GLI3: variants seen among roughly 807,000 people sequenced by gnomAD.
The protein encoded by GLI3 is transcription activator GLI3.
In GLI3, 20 loss-of-function variants were observed where a neutral mutation model predicts 100.8. That is an observed-to-expected ratio of 0.20 (90% CI 0.14 to 0.29). The LOEUF (loss-of-function observed/expected upper bound fraction) is 0.29, where lower values mean the gene tolerates loss of function less well. Ranked by LOEUF, GLI3 falls within the 10% of genes least tolerant of loss-of-function variation. The pLI is 1.00. For missense variants in GLI3, 2,040 were observed against 2,128.5 expected, an observed-to-expected ratio of 0.96 and a Z score of 0.82; for synonymous variants, 938 against 860.5, an observed-to-expected ratio of 1.09 and a Z score of -1.58.
chr7:42,206,021 A>T (rs1788144166), intron 2 of GLI3, among the ~76,000 whole-genome samples: 1 of 152,164 alleles, frequency 6.6e-6, no homozygotes. Context: ...TAATCCCAGC[A>T]CTTTGGGAGG....
intron 1 of GLI3, among the ~76,000 whole-genome samples, chr7:42,234,805 G>A (rs1400705692): frequency 6.6e-6 from 1 of 152,118 alleles, no homozygotes; most frequent in Non-Finnish European, 1.5e-5. Flanking sequence ...ACCCTGAAAG[G>A]ATCTCCCCTT....
chr7:42,144,021 T>C (rs1002061526), intron 3 of GLI3, among the ~76,000 whole-genome samples: 2 of 152,090 alleles, frequency 1.3e-5, no homozygotes, highest in African/African-American at 4.8e-5. Flanking sequence ...ACTAGACTCT[T>C]GACAGTAAGA....
intron 7 of GLI3, among the ~76,000 whole-genome samples, chr7:42,027,867 T>C (rs1789165876): frequency 6.6e-6 from 1 of 152,158 alleles, no homozygotes; most frequent in Non-Finnish European, 1.5e-5. Flanking sequence ...TCAGTAATAA[T>C]ATTCCGTTTC....
intron 4 of GLI3, among the ~76,000 whole-genome samples, chr7:42,058,206 T>A (rs1784500942): frequency 1.3e-5 from 2 of 152,172 alleles, no homozygotes; most frequent in East Asian, 1.9e-4. Context: ...CAGGCAAAAG[T>A]CAACTTCAGT....
chr7:42,026,965 C>T (rs190827325), intron 7 of GLI3, among the ~76,000 whole-genome samples: 1 of 152,146 alleles, frequency 6.6e-6, no homozygotes, highest in Non-Finnish European at 1.5e-5. Context: ...CCATCAGTGC[C>T]GTCTGGTTAC....
At chr7:42,256,145 T>A (rs1472101774) in intron 1 of GLI3, among the ~76,000 whole-genome samples, 1 of 152,204 alleles carries the variant, frequency 6.6e-6, no homozygotes, top group African/African-American at 2.4e-5. Context: ...CTATTTTTAA[T>A]GTTTTTTAAT....
chr7:42,035,711 C>T lies in GLI3; in HGVS notation c.1028+4327G>A, dbSNP rs1789419709. On this transcript the variant is annotated intron_variant, in intron 7 of 14. Transcript: ENST00000395925. ...AGAAGAAGGGGGTCATTTTAAACACCTTCTCTTCCAGTGGTGGCCCAATTT... is the reference window on the plus strand; with the variant it reads ...AGAAGAAGGGGGTCATTTTAAACACTTTCTCTTCCAGTGGTGGCCCAATTT... 2.0e-5 allele frequency among the ~76,000 whole-genome samples: 3 copies of T among 150,776 alleles called. No homozygotes were observed. The South Asian group carries it at 6.3e-4, about 32-fold the overall frequency.
intron 2 of GLI3, among the ~76,000 whole-genome samples, chr7:42,167,379 T>G (rs1226624308): frequency 6.6e-6 from 1 of 152,012 alleles, no homozygotes; most frequent in Admixed American, 6.5e-5. Flanking sequence ...GCTGTGGAGG[T>G]TAATATTTAG....
Position 42,154,491 on chromosome 7 carries a change from T to C in GLI3, c.125-6023A>G, listed in dbSNP as rs528365743. Among the ~76,000 whole-genome samples the C allele has an allele frequency of 5.9e-5, 9 of 152,338 alleles. No homozygotes were observed. The East Asian group carries it at 1.4e-3, about 23-fold the overall frequency. On this transcript the variant is annotated intron_variant, in intron 2 of 14. Coordinates refer to ENST00000395925, the MANE Select transcript of GLI3 (RefSeq NM_000168.6). ...GCTTCGCTGTGTTTGCAAAGAGCATTATTTCATTTTTTTCCTATTATTCAT... is the reference window on the plus strand; with the variant it reads ...GCTTCGCTGTGTTTGCAAAGAGCATCATTTCATTTTTTTCCTATTATTCAT...
At chr7:42,160,166 A>G (rs1787098772) in intron 2 of GLI3, among the ~76,000 whole-genome samples, 1 of 152,188 alleles carries the variant, frequency 6.6e-6, no homozygotes, top group Non-Finnish European at 1.5e-5. Flanking sequence ...AGAGCTTTAT[A>G]AACTGTGGCA....
Position 42,016,856 on chromosome 7 carries a change from T to C in GLI3, c.1497+6612A>G, listed in dbSNP as rs186871301. Among the ~76,000 whole-genome samples, 8 of 152,314 alleles carry C rather than the reference T, an allele frequency of 5.3e-5. No individual in the cohort carries two copies. In the East Asian group the frequency reaches 5.8e-4, roughly 11 times the overall value. On this transcript the variant is annotated intron_variant, in intron 10 of 14. Coordinates refer to ENST00000395925, the MANE Select transcript of GLI3 (RefSeq NM_000168.6). Reference sequence around the variant, plus strand: ...CTGTACTCCTCCCTCTCTCAGCCCATAGAGTCGCAATACACAATTATGGCT... The same window carrying C: ...CTGTACTCCTCCCTCTCTCAGCCCACAGAGTCGCAATACACAATTATGGCT...
chr7:42,045,128 T>G (rs942750028), intron 6 of GLI3, among the ~76,000 whole-genome samples: 9 of 152,162 alleles, frequency 5.9e-5, no homozygotes, highest in Non-Finnish European at 1.3e-4. Flanking sequence ...CTAATATTTA[T>G]ATATCGCTGT....
At chr7:42,215,209 G>A (rs1368725702) in intron 2 of GLI3, among the ~76,000 whole-genome samples, 1 of 152,076 alleles carries the variant, frequency 6.6e-6, no homozygotes, top group Non-Finnish European at 1.5e-5. Flanking sequence ...TCTCGATGGT[G>A]GTGGCAGCTA....
intron 12 of GLI3, among the ~76,000 whole-genome samples, chr7:41,974,663 G>A (rs1048796843): frequency 6.6e-6 from 1 of 152,190 alleles, no homozygotes; most frequent in African/African-American, 2.4e-5. Context: ...AATCATGGGA[G>A]GCATCAGTTA....
At chr7:42,214,531 AAG>A (rs1270846654) in intron 2 of GLI3, among the ~76,000 whole-genome samples, 1 of 41,778 alleles carries the variant, frequency 2.4e-5, no homozygotes, top group African/African-American at 7.5e-5. Flanking sequence ...AAGAGCAAGC[AAG>A]AAAAAAAAAA....
intron 1 of GLI3, among the ~76,000 whole-genome samples, chr7:42,225,892 C>G (rs547212744): frequency 6.6e-6 from 1 of 152,304 alleles, no homozygotes; most frequent in African/African-American, 2.4e-5. Context: ...GAGGACAAGG[C>G]TTCTACTTTC....
intron 4 of GLI3, among the ~76,000 whole-genome samples, chr7:42,073,818 T>C (rs899729700): frequency 2.0e-5 from 3 of 152,246 alleles, no homozygotes; most frequent in African/African-American, 7.2e-5. Flanking sequence ...TTAAAAATAT[T>C]GCAAAAACTT....
At chr7:42,134,703 A>G (rs1239405565) in intron 3 of GLI3, among the ~76,000 whole-genome samples, 1 of 152,258 alleles carries the variant, frequency 6.6e-6, no homozygotes, top group South Asian at 2.1e-4. Flanking sequence ...GGGCCTTGAA[A>G]GGTCATTAGA....
intron 2 of GLI3, among the ~76,000 whole-genome samples, chr7:42,162,275 C>T (rs3801211): frequency 0.24 from 36,707 of 151,998 alleles, 5,300 homozygotes; most frequent in Non-Finnish European, 0.33. Flanking sequence ...TTCAAATTTT[C>T]AAAGAGGCTG....
Sources: allele counts gnomAD v4.1 joint callset (sites outside exome capture counted in the v4.1 genomes callset), GRCh38; gene constraint gnomAD v4.1.1; transcripts MANE v1.5; gene names NCBI Gene and HGNC (gene_info 2026-07-23, HGNC 2026-07-21).